Variants in MCF2L2 observed in about 807,000 individuals in gnomAD.
MCF2L2 encodes probable guanine nucleotide exchange factor MCF2L2.
MCF2L2 carries 102 observed loss-of-function variants against 150.2 expected under a neutral mutation model. The ratio of observed to expected loss-of-function variants is 0.68; its 90% CI spans 0.58 to 0.80. The LOEUF is 0.80. Among genes scored for constraint, MCF2L2 ranks in the 30% least tolerant of loss-of-function variants. MCF2L2 has a pLI of 0.00. For synonymous variants in MCF2L2, 465 were observed against 491.3 expected, an observed-to-expected ratio of 0.95 and a Z score of 0.71; for missense variants, 1,256 against 1,372.8, an observed-to-expected ratio of 0.91 and a Z score of 1.34.
At chr3:183,248,720 C>T (rs569914941) in intron 15 of MCF2L2, among the ~76,000 whole-genome samples, 26 of 152,160 alleles carry the variant, frequency 1.7e-4, no homozygotes, top group African/African-American at 6.0e-4. Flanking sequence ...CACCTGTAGT[C>T]CCCACTACTC....
intron 1 of MCF2L2, among the ~76,000 whole-genome samples, chr3:183,415,377 A>G: frequency 6.6e-6 from 1 of 151,976 alleles, no homozygotes; most frequent in Middle Eastern, 3.2e-3. Context: ...AGTAGAGACG[A>G]GGTTTCACCA....
In MCF2L2 at chr3:183,278,451, A is replaced by T. The variant is rs74595579; in HGVS notation, c.1777-1494T>A. On this transcript the variant is annotated intron_variant, in intron 14 of 29. Coordinates refer to ENST00000328913, the MANE Select transcript of MCF2L2 (RefSeq NM_015078.4). ...AATTCAATCTAATTATTTTCACCACACTACCAAAAGTCTTTCTTCACATTT... is the reference window on the plus strand; with the variant it reads ...AATTCAATCTAATTATTTTCACCACTCTACCAAAAGTCTTTCTTCACATTT... 2.4e-3 allele frequency among the ~76,000 whole-genome samples: 368 copies of T among 152,246 alleles called. 1 individual carries two copies. The highest frequency in any genetic ancestry group is 7.4e-3 in the African/African-American group (309 of 41,546).
intron 15 of MCF2L2, among the ~76,000 whole-genome samples, chr3:183,249,597 C>T (rs1340977262): frequency 1.3e-5 from 2 of 152,190 alleles, no homozygotes; most frequent in Non-Finnish European, 2.9e-5. Context: ...GCTGTCAGTT[C>T]CCTTCACCTT....
intron 14 of MCF2L2, among the ~76,000 whole-genome samples, chr3:183,288,248 AT>A (rs1310983883): frequency 5.3e-5 from 8 of 152,208 alleles, no homozygotes; most frequent in African/African-American, 1.9e-4. Flanking sequence ...GATCTGCCTG[AT>A]TCCAAACCTT....
In MCF2L2 at chr3:183,228,372, A is replaced by T. The variant is rs375982405; in HGVS notation, c.2046-6T>A. On this transcript the variant is annotated splice_polypyrimidine_tract_variant and splice_region_variant and intron_variant, in intron 17 of 29. Transcript: ENST00000328913. ...CCAACTCTTTTAGAAAAGTCCTAGA[A>T]AAATAAAAGTATACAAGTAATAATG... 1 of 1,595,672 alleles carries T rather than the reference A, an allele frequency of 6.3e-7. No homozygotes were observed. The highest frequency in any genetic ancestry group is 8.6e-7 in the Non-Finnish European group (1 of 1,164,128).
At chr3:183,370,066 G>T (rs1712773100) in intron 3 of MCF2L2, among the ~76,000 whole-genome samples, 1 of 152,194 alleles carries the variant, frequency 6.6e-6, no homozygotes. Context: ...GAGAGTGGCA[G>T]GAGGCAGCCA....
intron 5 of MCF2L2, among the ~76,000 whole-genome samples, chr3:183,328,988 A>C (rs1207998960): frequency 6.6e-6 from 1 of 152,216 alleles, no homozygotes; most frequent in African/African-American, 2.4e-5. Flanking sequence ...ATACCACAAC[A>C]TGCCTATTAA....
At chr3:183,377,658 C>CGT (rs1486674284) in intron 3 of MCF2L2, 1 of 152,022 alleles carries the variant, frequency 6.6e-6, no homozygotes, top group Non-Finnish European at 1.5e-5. Context: ...AAAGGTAAAC[C>CGT]TCGGGGTTCT....
rs1213404873 is a variant in MCF2L2, at chr3:183,323,232, C to T, written c.603+3G>A. The T allele has an allele frequency of 1.9e-6, 3 of 1,593,866 alleles. No individual in the cohort carries two copies. The highest frequency in any genetic ancestry group is 2.2e-5 in the East Asian group (1 of 44,680). ...TGAAAAGCACACGTAAGCTGGTACT[C>T]ACAGTGCGGTGATTTACCCACTGAC... On this transcript the variant is annotated splice_donor_region_variant and intron_variant, in intron 6 of 29. Coordinates refer to ENST00000328913, the MANE Select transcript of MCF2L2 (RefSeq NM_015078.4).
chr3:183,399,766 G>T (rs1293893320), intron 1 of MCF2L2, among the ~76,000 whole-genome samples: 11 of 152,056 alleles, frequency 7.2e-5, no homozygotes, highest in Non-Finnish European at 1.5e-4. Context: ...AAATGGTAAA[G>T]GTTCAGATCC....
intron 3 of MCF2L2, among the ~76,000 whole-genome samples, chr3:183,352,554 C>G (rs1191810600): frequency 6.6e-6 from 1 of 152,110 alleles, no homozygotes; most frequent in Admixed American, 6.6e-5. Context: ...GGCTGAGACT[C>G]TAATGTTTTC....
In MCF2L2 at chr3:183,416,375, A is replaced by T. The variant is rs572848446; in HGVS notation, c.76+11527T>A. ...CCTATGGATTTGAGCTACCCTCTGGAGTCATTTCTTTATTCCAAATGCAGC... is the reference window on the plus strand; with the variant it reads ...CCTATGGATTTGAGCTACCCTCTGGTGTCATTTCTTTATTCCAAATGCAGC... On this transcript the variant is annotated intron_variant, in intron 1 of 29. Coordinates refer to ENST00000328913, the MANE Select transcript of MCF2L2 (RefSeq NM_015078.4). Among the ~76,000 whole-genome samples, 22 of 152,266 alleles carry T rather than the reference A, an allele frequency of 1.4e-4. No individual in the cohort carries two copies. The Middle Eastern group carries it at 0.01, about 71-fold the overall frequency.
chr3:183,203,352 A>C (rs1722362465), intron 25 of MCF2L2, among the ~76,000 whole-genome samples: 1 of 152,262 alleles, frequency 6.6e-6, no homozygotes, highest in African/African-American at 2.4e-5. Context: ...GGAAAGCACA[A>C]GAACAAATCC....
Position 183,269,664 on chromosome 3 carries a change from TAAG to T in MCF2L2, c.1862+7205_1862+7207del, listed in dbSNP as rs570132451. 2.9e-4 allele frequency: 223 copies of T among 779,366 alleles called. 7 individuals carry two copies. In the South Asian group the frequency reaches 4.5e-3, roughly 16 times the overall value. 48.3% of individuals were successfully genotyped at this position (779,366 alleles called of 1,614,324 possible). A position where few individuals can be genotyped will look rare whatever the true frequency, so the allele number is the denominator to read the frequency against. On this transcript the variant is annotated intron_variant, in intron 15 of 29. Transcript: ENST00000328913. Reference sequence around the variant, plus strand: ...GACTAAAAGAAACTATTTTGTAAAATAAGAAGACTTCCATTTTTAATGACCAAC... The same window carrying T: ...GACTAAAAGAAACTATTTTGTAAAATAAGACTTCCATTTTTAATGACCAAC...
At chr3:183,367,050 A>G (rs1392050528) in intron 3 of MCF2L2, among the ~76,000 whole-genome samples, 2 of 152,202 alleles carry the variant, frequency 1.3e-5, no homozygotes, top group Non-Finnish European at 2.9e-5. Context: ...CTGATGGGGT[A>G]TAAGGAAAGA....
intron 25 of MCF2L2, 39 bp downstream of exon 25, chr3:183,205,837 G>T: frequency 6.7e-7 from 1 of 1,497,482 alleles, no homozygotes; most frequent in Non-Finnish European, 9.3e-7. Flanking sequence ...GCTGAAATCA[G>T]TATAACTCGA....
chr3:183,180,115 A>T lies in MCF2L2; in HGVS notation c.3061T>A (p.Cys1021Ser). Residue 1021 changes from cysteine (C) to serine (S), a missense_variant, in exon 28 of 30, where the codon TGT becomes AGT. By Grantham distance (112) the Cys-to-Ser change is moderately radical. Coordinates refer to ENST00000328913, the MANE Select transcript of MCF2L2 (RefSeq NM_015078.4). Reference sequence around the variant, plus strand: ...TTTTCCATGTCTTCTGCGCCTTCACAGTCTTCAAAGGTGTCCATGGAGCTA... The same window carrying T: ...TTTTCCATGTCTTCTGCGCCTTCACTGTCTTCAAAGGTGTCCATGGAGCTA... ...EFSSMDTFEDCEGAEDMEKES... is the reference protein window; with the variant it reads ...EFSSMDTFEDSEGAEDMEKES... The T allele has an allele frequency of 6.2e-7, 1 of 1,614,058 alleles. No homozygotes were observed. The highest frequency in any genetic ancestry group is 8.5e-7 in the Non-Finnish European group (1 of 1,179,976).
intron 1 of MCF2L2, among the ~76,000 whole-genome samples, chr3:183,416,481 C>A (rs979114731): frequency 2.0e-4 from 31 of 152,206 alleles, no homozygotes; most frequent in African/African-American, 7.2e-4. Context: ...ACATTATATG[C>A]AGACATTCCT....
At chr3:183,193,653 A>G (rs1189033443) in intron 26 of MCF2L2, among the ~76,000 whole-genome samples, 1 of 152,150 alleles carries the variant, frequency 6.6e-6, no homozygotes, top group South Asian at 2.1e-4. Context: ...GGGGGAAGAG[A>G]TGAGGAGGAA....
Sources: gnomAD v4.1 joint callset for allele counts (sites outside exome capture counted in the v4.1 genomes callset) on GRCh38, gnomAD v4.1.1 for gene constraint, MANE v1.5 for transcripts, NCBI Gene and HGNC (gene_info 2026-07-23, HGNC 2026-07-21) for gene names.